Variants in EBF2 observed in about 807,000 individuals in gnomAD.
The protein encoded by EBF2 is EBF transcription factor 2, also known as transcription factor COE2.
A neutral mutation model predicts 72.8 loss-of-function variants in EBF2; 21 were observed. The observed-to-expected ratio is 0.29, with a 90% confidence interval of 0.20 to 0.42. The LOEUF (loss-of-function observed/expected upper bound fraction) is 0.42, where lower values mean the gene tolerates loss of function less well. EBF2 is among the 10% of genes least tolerant of loss of function. EBF2 has a pLI of 1.00. For synonymous variants in EBF2, 299 were observed against 274.2 expected (o/e 1.09, Z -0.89); for missense variants, 637 against 731.2 (o/e 0.87, Z 1.49).
At chr8:25,902,211 T>G (rs1284270424) in intron 7 of EBF2, among the ~76,000 whole-genome samples, 7 of 152,186 alleles carry the variant, frequency 4.6e-5, no homozygotes, top group Admixed American at 2.0e-4. Context: ...GATTTTCTTT[T>G]GGATTTTACA....
intron 6 of EBF2, among the ~76,000 whole-genome samples, chr8:25,915,244 G>A (rs1585194005): frequency 6.6e-6 from 1 of 151,644 alleles, no homozygotes; most frequent in East Asian, 1.9e-4. Flanking sequence ...CTGACTCTTA[G>A]CAAAATGCTG....
chr8:25,917,984 G>A (rs189773292), intron 6 of EBF2, among the ~76,000 whole-genome samples: 1 of 152,318 alleles, frequency 6.6e-6, no homozygotes, highest in African/African-American at 2.4e-5. Flanking sequence ...TGCAAATGTG[G>A]AGATTTGGAA....
chr8:25,999,099 G>T (rs967417499), intron 6 of EBF2, among the ~76,000 whole-genome samples: 12 of 152,076 alleles, frequency 7.9e-5, no homozygotes, highest in African/African-American at 2.7e-4. Context: ...GAAAGATTAG[G>T]TTCCCTCTTA....
intron 1 of EBF2, among the ~76,000 whole-genome samples, chr8:26,042,739 C>G (rs1354588535): frequency 1.3e-5 from 2 of 152,178 alleles, no homozygotes; most frequent in Non-Finnish European, 2.9e-5. Context: ...AGTATTAATT[C>G]GAGTTATCAG....
At chr8:25,846,163 C>G (rs1299623138) in intron 15 of EBF2, among the ~76,000 whole-genome samples, 1 of 152,150 alleles carries the variant, frequency 6.6e-6, no homozygotes, top group African/African-American at 2.4e-5. Context: ...CGGTTCAATT[C>G]TGGACACTCC....
At chr8:25,910,676 C>T (rs1418654686) in intron 6 of EBF2, among the ~76,000 whole-genome samples, 2 of 152,120 alleles carry the variant, frequency 1.3e-5, no homozygotes, top group Non-Finnish European at 2.9e-5. Context: ...TAAATTAGGA[C>T]CCTTAACAGT....
intron 14 of EBF2, among the ~76,000 whole-genome samples, chr8:25,851,714 G>C (rs1801980887): frequency 6.6e-6 from 1 of 152,192 alleles, no homozygotes; most frequent in African/African-American, 2.4e-5. Context: ...TGACAAAAGT[G>C]TTGTTGGAGC....
rs1045921440 is a variant in EBF2 at position 25,922,826 on chromosome 8, G to T, written c.552-14271C>A. The stretch of plus-strand genomic sequence containing the variant: ...GGTGGGGGAAAGGCCTAATTGACAC[G>T]CTCAGTATCCAATAATCTGCAAAAG... On this transcript the variant is annotated intron_variant, in intron 6 of 15. Coordinates refer to ENST00000520164, the MANE Select transcript of EBF2 (RefSeq NM_022659.4). Among the ~76,000 whole-genome samples, 10 of 151,954 alleles carry T rather than the reference G, an allele frequency of 6.6e-5. 2 individuals carry two copies. The highest frequency in any genetic ancestry group is 5.2e-4 in the Admixed American group (8 of 15,254).
chr8:25,998,016 A>G (rs1311250453), intron 6 of EBF2, among the ~76,000 whole-genome samples: 1 of 152,202 alleles, frequency 6.6e-6, no homozygotes, highest in Non-Finnish European at 1.5e-5. Context: ...ATAACTAGAG[A>G]CTTTTAACTT....
intron 7 of EBF2, 54 bp from the exon 8 acceptor site, chr8:25,889,923 T>G (rs546218523): frequency 6.7e-7 from 1 of 1,492,130 alleles, no homozygotes; most frequent in East Asian, 2.3e-5. Context: ...TAGTTTCACA[T>G]GAAGTAGCAA....
chr8:25,876,812 T>G (rs2117279052), intron 10 of EBF2, among the ~76,000 whole-genome samples: 1 of 152,298 alleles, frequency 6.6e-6, no homozygotes, highest in African/African-American at 2.4e-5. Flanking sequence ...TAGCAGGATC[T>G]CAGCTATGAA....
At chr8:25,893,368 C>A (rs920416254) in intron 7 of EBF2, among the ~76,000 whole-genome samples, 5 of 148,910 alleles carry the variant, frequency 3.4e-5, no homozygotes, top group African/African-American at 1.2e-4. Context: ...CTTACCACAA[C>A]CTCTGCCTCC....
chr8:25,877,819 G>A (rs1013125983), intron 10 of EBF2, among the ~76,000 whole-genome samples: 3 of 152,160 alleles, frequency 2.0e-5, no homozygotes, highest in Non-Finnish European at 4.4e-5. Flanking sequence ...TCCCACGGGT[G>A]GAGTGCTTTA....
At chr8:25,987,254 T>C (rs1804476429) in intron 6 of EBF2, among the ~76,000 whole-genome samples, 1 of 152,206 alleles carries the variant, frequency 6.6e-6, no homozygotes, top group African/African-American at 2.4e-5. Flanking sequence ...AATGTTTTTA[T>C]ATTAAATAAA....
Position 25,900,455 on chromosome 8 carries a change from T to C in EBF2, c.633+8019A>G, listed in dbSNP as rs1433964590. On this transcript the variant is annotated intron_variant, in intron 7 of 15. Coordinates refer to ENST00000520164, the MANE Select transcript of EBF2 (RefSeq NM_022659.4). The stretch of plus-strand genomic sequence containing the variant: ...GCCTCAGTGACAGAGTAAGACCCTG[T>C]CTGTAAAAAAAGAAAGAAAAAGAAA... Among the ~76,000 whole-genome samples, 4 of 105,764 alleles carry C rather than the reference T, an allele frequency of 3.8e-5. No homozygotes were observed. In the Admixed American group the frequency reaches 4.2e-4, roughly 11 times the overall value. 69.4% of individuals were successfully genotyped at this position (105,764 alleles called of 152,430 possible).
chr8:25,879,799 T>C (rs1802578667), intron 10 of EBF2, among the ~76,000 whole-genome samples: 1 of 152,198 alleles, frequency 6.6e-6, no homozygotes, highest in Non-Finnish European at 1.5e-5. Flanking sequence ...GTCTAGAGTA[T>C]CCTGCAGTAG....
chr8:26,020,546 C>A (rs1039666664), intron 6 of EBF2, among the ~76,000 whole-genome samples: 2 of 152,268 alleles, frequency 1.3e-5, no homozygotes, highest in East Asian at 3.9e-4. Flanking sequence ...CAAGGTTAGA[C>A]ACCCACTAGA....
intron 7 of EBF2, among the ~76,000 whole-genome samples, chr8:25,890,978 C>G (rs1802768740): frequency 1.3e-5 from 2 of 152,196 alleles, no homozygotes; most frequent in Admixed American, 6.5e-5. Flanking sequence ...CTGGGCTTGA[C>G]CAGACCATAA....
At chr8:26,016,397 T>A (rs560456864) in intron 6 of EBF2, among the ~76,000 whole-genome samples, 1 of 152,244 alleles carries the variant, frequency 6.6e-6, no homozygotes, top group East Asian at 1.9e-4. Context: ...TCAACCCAGT[T>A]GCATTCATTC....
Sources: gnomAD v4.1 joint callset for allele counts (sites outside exome capture counted in the v4.1 genomes callset) on GRCh38, gnomAD v4.1.1 for gene constraint, MANE v1.5 for transcripts, NCBI Gene and HGNC (gene_info 2026-07-23, HGNC 2026-07-21) for gene names.